The following ATM variants were observed in gnomAD, a reference collection of about 807,000 sequenced individuals.
ATM encodes the protein serine-protein kinase ATM.
Under a neutral mutation model 387.0 loss-of-function variants are expected in ATM, and 308 were observed. The observed-to-expected ratio is 0.80, with a 90% CI of 0.73 to 0.87. The LOEUF is 0.87. Ranked by LOEUF, ATM falls within the 40% of genes least tolerant of loss-of-function variation. The probability of loss-of-function intolerance (pLI) is 0.00; values close to 1 mark genes in which losing one functional copy is unlikely to be tolerated. For missense variants in ATM, 3,312 were observed against 3,560.9 expected, an observed-to-expected ratio of 0.93 and a Z score of 1.78; for synonymous variants, 1,156 against 1,187.3, an observed-to-expected ratio of 0.97 and a Z score of 0.54.
chr11:108,333,801 C>A, intron 53 of ATM, 85 bp from the exon 54 acceptor site: 1 of 1,054,718 alleles, frequency 9.5e-7, no homozygotes, highest in Non-Finnish European at 1.5e-6. Context: ...CAAGTTGGGG[C>A]CAGTGGTATC....
intron 38 of ATM, among the ~76,000 whole-genome samples, chr11:108,308,311 C>T (rs576436803): frequency 6.6e-6 from 1 of 152,138 alleles, no homozygotes; most frequent in Non-Finnish European, 1.5e-5. Context: ...TGTATTACCC[C>T]TCTTTTTACT....
chr11:108,277,264 G>T (rs2081993528), intron 22 of ATM, among the ~76,000 whole-genome samples: 1 of 152,180 alleles, frequency 6.6e-6, no homozygotes, highest in Admixed American at 6.5e-5. Flanking sequence ...TCTGCTGGCA[G>T]CGAGAATTTC....
At chr11:108,269,729 C>G (rs1002305276) in intron 18 of ATM, among the ~76,000 whole-genome samples, 2 of 152,318 alleles carry the variant, frequency 1.3e-5, no homozygotes, top group Non-Finnish European at 2.9e-5. Context: ...TGGTGAGTCC[C>G]TAATTAGAAC....
intron 5 of ATM, among the ~76,000 whole-genome samples, chr11:108,243,030 G>A (rs1219053815): frequency 2.0e-5 from 3 of 151,128 alleles, no homozygotes; most frequent in East Asian, 2.0e-4. Context: ...GACCAGCCTG[G>A]GCAACATGGT....
In ATM at chr11:108,279,577, A is replaced by G. The variant is rs876660498; in HGVS notation, c.3371A>G (p.Tyr1124Cys). Residue 1124 changes from tyrosine (Y) to cysteine (C), a missense_variant, in exon 23 of 63, where the codon TAC becomes TGC. Around this residue, in one of 4 missense-constraint regions of ATM, gnomAD observed 1,791 missense variants for 1,804.5 expected, o/e 0.99. Coordinates refer to ENST00000675843, the MANE Select transcript of ATM (RefSeq NM_000051.4). ...CAGCAAACAGCTTTTGAAAATGCAT[A>G]CTTGAAAGCTCAGGAAGGAATGAGA... ...KLQQTAFENAYLKAQEGMREM... is the reference protein window; with the variant it reads ...KLQQTAFENACLKAQEGMREM... 6.2e-7 allele frequency: 1 copy of G among 1,613,074 alleles called. No homozygotes were observed. The highest frequency in any genetic ancestry group is 8.5e-7 in the Non-Finnish European group (1 of 1,179,136).
At chr11:108,290,862 A>G (rs1475891116) in intron 29 of ATM, among the ~76,000 whole-genome samples, 5 of 151,176 alleles carry the variant, frequency 3.3e-5, no homozygotes, top group Non-Finnish European at 5.9e-5. Context: ...CTCCAATTCT[A>G]GAAATCTTAA....
chr11:108,328,379 TG>T lies in ATM; in HGVS notation c.7089+624del, dbSNP rs1320566437. On this transcript the variant is annotated intron_variant, in intron 48 of 62. Coordinates refer to ENST00000675843, the MANE Select transcript of ATM (RefSeq NM_000051.4). ...CTCCTGCCTCAGCTTCCCAAGTAGC[TG>T]GGACTACAGGAGTGTGCCACCACAC... Among the ~76,000 whole-genome samples the T allele has an allele frequency of 2.0e-5, 3 of 152,326 alleles. No homozygotes were observed. The East Asian group carries it at 5.8e-4, about 29-fold the overall frequency.
intron 50 of ATM, chr11:108,331,154 C>T (rs2086193995): frequency 9.0e-7 from 1 of 1,115,640 alleles, no homozygotes; most frequent in South Asian, 2.5e-5. Context: ...ACTCAGATCA[C>T]ATTTGTCTTC....
intron 9 of ATM, among the ~76,000 whole-genome samples, chr11:108,250,068 C>A (rs981574659): frequency 8.6e-5 from 13 of 151,432 alleles, no homozygotes; most frequent in Non-Finnish European, 1.9e-4. Context: ...TCTTTGTTTT[C>A]CTGTTTTAGA....
intron 31 of ATM, among the ~76,000 whole-genome samples, chr11:108,293,985 A>T (rs2082983616): frequency 6.6e-6 from 1 of 150,662 alleles, no homozygotes; most frequent in Admixed American, 6.6e-5. Context: ...AAGAAATAAA[A>T]AAATGAATCT....
chr11:108,233,569 C>G (rs1309127398), intron 4 of ATM, among the ~76,000 whole-genome samples: 1 of 50,922 alleles, frequency 2.0e-5, no homozygotes. Context: ...ATCCTGTGTC[C>G]AAAAAAAAAA....
At chr11:108,355,287 A>G (rs1395645195) in intron 61 of ATM, 3 of 232,588 alleles carry the variant, frequency 1.3e-5, no homozygotes, top group African/African-American at 2.3e-5. Flanking sequence ...CAGCATCATT[A>G]CTAGAGGAAC....
intron 54 of ATM, among the ~76,000 whole-genome samples, chr11:108,334,600 T>A (rs990641836): frequency 6.6e-6 from 1 of 152,214 alleles, no homozygotes; most frequent in African/African-American, 2.4e-5. Context: ...TGTAGCTGTA[T>A]CATGTGGATT....
Position 108,293,356 on chromosome 11 carries a change from A to T in ATM, c.4655A>T (p.Asn1552Ile), listed in dbSNP as rs2135810797. The change falls in exon 31 of 63, where the codon AAT (asparagine) becomes ATT (isoleucine). Residue 1552 changes from asparagine (N) to isoleucine (I), a missense_variant. By Grantham distance (149) the Asn-to-Ile change is moderately radical. Coordinates refer to ENST00000675843, the MANE Select transcript of ATM (RefSeq NM_000051.4). ...TACTTAGTGATAGATAACAAGGATA[A>T]TGAAAACCTCTATATCACGATTAAG... ...LKYLVIDNKD[N>I]ENLYITIKLL... 6.3e-7 allele frequency: 1 copy of T among 1,590,484 alleles called. No homozygotes were observed. Among genetic ancestry groups the T allele is most frequent in the Non-Finnish European group, 8.6e-7 (1 of 1,160,590 alleles).
At chr11:108,226,581 A>G (rs990113136) in intron 1 of ATM, 1 of 152,252 alleles carries the variant, frequency 6.6e-6, no homozygotes, top group African/African-American at 2.4e-5. Context: ...AAGAACCTTA[A>G]TACCAGTTGA....
rs147917181 is a variant in ATM, at chr11:108,258,618, A to G, written c.2377-368A>G. On this transcript the variant is annotated intron_variant, in intron 15 of 62. Coordinates refer to ENST00000675843, the MANE Select transcript of ATM (RefSeq NM_000051.4). ...TTGATAATAATTGGAAATATATTTC[A>G]AACCTAGTATTAGGTACATGGCCAT... 2.1e-4 allele frequency among the ~76,000 whole-genome samples: 32 copies of G among 152,296 alleles called. 2 individuals carry two copies. The East Asian group carries it at 5.2e-3, about 25-fold the overall frequency.
At chr11:108,355,387 T>C (rs1204185614) in intron 61 of ATM, 3 of 172,902 alleles carry the variant, frequency 1.7e-5, no homozygotes, top group Admixed American at 1.7e-4. Flanking sequence ...CTCACCTGAA[T>C]AGGGTTTGGG....
chr11:108,335,797 A>T lies in ATM; in HGVS notation c.8152-48A>T, dbSNP rs142021102. On this transcript the variant is annotated intron_variant, in intron 55 of 62. Coordinates refer to ENST00000675843, the MANE Select transcript of ATM (RefSeq NM_000051.4). ...TATTCTCAGATGACTCTGTGTTTTT[A>T]TAATAAAATAAACTGTACTTGTTTA... The T allele has an allele frequency of 4.7e-6, 7 of 1,482,178 alleles. No individual in the cohort carries two copies. The African/African-American group carries it at 9.7e-5, about 21-fold the overall frequency. The allele number at this position is 1,482,178 out of a possible 1,614,324, so 91.8% of individuals were successfully genotyped here. A position where few individuals can be genotyped will look rare whatever the true frequency, so the allele number is the denominator to read the frequency against.
chr11:108,244,215 T>G, intron 6 of ATM, 97 bp downstream of exon 6: 1 of 1,380,122 alleles, frequency 7.2e-7, no homozygotes, highest in Non-Finnish European at 1.0e-6. Flanking sequence ...TACCTTAAAA[T>G]AAAACATTGA....
Sources: allele counts gnomAD v4.1 joint callset (sites outside exome capture counted in the v4.1 genomes callset), GRCh38; gene constraint gnomAD v4.1.1; regional missense constraint gnomAD v4.1.1; transcripts MANE v1.5; gene names NCBI Gene and HGNC (gene_info 2026-07-23, HGNC 2026-07-21).